Variants in SYT1 observed in about 807,000 individuals in gnomAD.
SYT1 encodes the protein synaptotagmin 1.
A neutral mutation model predicts 44.8 loss-of-function variants in SYT1; 8 were observed. The observed-to-expected ratio is 0.18, with a 90% CI of 0.10 to 0.32. SYT1 has a LOEUF of 0.32. Ranked by LOEUF, SYT1 falls within the 10% of genes least tolerant of loss-of-function variation. SYT1 has a pLI of 1.00. For synonymous variants in SYT1, 154 were observed against 188.8 expected, an observed-to-expected ratio of 0.82 and a Z score of 1.51; for missense variants, 286 against 509.3, an observed-to-expected ratio of 0.56 and a Z score of 4.22.
At chr12:78,894,071 CT>C (rs150793542) in intron 1 of SYT1, among the ~76,000 whole-genome samples, 6 of 149,896 alleles carry the variant, frequency 4.0e-5, no homozygotes, top group South Asian at 2.1e-4. Flanking sequence ...TATAATTTTT[CT>C]TTTTTTTTCC....
chr12:79,125,753 ATCACAT>A (rs1210340769), intron 3 of SYT1, among the ~76,000 whole-genome samples: 1 of 152,232 alleles, frequency 6.6e-6, no homozygotes, highest in Admixed American at 6.5e-5. Flanking sequence ...TAATAGGCAT[ATCACAT>A]TCCTGAATAA....
chr12:79,351,511 T>C (rs1882901507), intron 8 of SYT1, among the ~76,000 whole-genome samples: 1 of 151,900 alleles, frequency 6.6e-6, no homozygotes, highest in East Asian at 1.9e-4. Flanking sequence ...AAGGAGGCTA[T>C]TGTGGAAAAT....
chr12:79,121,558 C>A (rs965974622), intron 3 of SYT1, among the ~76,000 whole-genome samples: 1 of 152,152 alleles, frequency 6.6e-6, no homozygotes, highest in Non-Finnish European at 1.5e-5. Flanking sequence ...TTTGTTCTAT[C>A]CCCACTCAGG....
At chr12:79,165,165 G>A (rs940511682) in intron 3 of SYT1, among the ~76,000 whole-genome samples, 1 of 151,938 alleles carries the variant, frequency 6.6e-6, no homozygotes, top group Non-Finnish European at 1.5e-5. Flanking sequence ...TTTAAGAGAA[G>A]CTTGCTCTGG....
At chr12:79,164,361 C>G (rs1871123876) in intron 3 of SYT1, among the ~76,000 whole-genome samples, 1 of 152,076 alleles carries the variant, frequency 6.6e-6, no homozygotes, top group Admixed American at 6.6e-5. Context: ...CCCTCTCATT[C>G]TTCATTTTTC....
chr12:79,313,263 T>G (rs1241545150), intron 8 of SYT1, among the ~76,000 whole-genome samples: 2 of 152,058 alleles, frequency 1.3e-5, no homozygotes, highest in African/African-American at 4.8e-5. Flanking sequence ...ACCCATTAGT[T>G]ATTGAACTTT....
chr12:79,095,747 C>G (rs1878083800), intron 3 of SYT1, among the ~76,000 whole-genome samples: 1 of 151,842 alleles, frequency 6.6e-6, no homozygotes, highest in Admixed American at 6.6e-5. Context: ...CTAAACTGAG[C>G]AGAGTGACTT....
At chr12:79,061,618 T>G (rs931629271) in intron 3 of SYT1, among the ~76,000 whole-genome samples, 2 of 152,144 alleles carry the variant, frequency 1.3e-5, no homozygotes, top group Admixed American at 6.6e-5. Context: ...CATTTTTAAC[T>G]AATTAAAATA....
intron 1 of SYT1, among the ~76,000 whole-genome samples, chr12:78,872,039 T>C (rs747846445): frequency 6.6e-6 from 1 of 151,966 alleles, no homozygotes; most frequent in Non-Finnish European, 1.5e-5. Flanking sequence ...TAGTTAACAA[T>C]ATGACATTAC....
chr12:79,256,932 G>C (rs917939039), intron 4 of SYT1, among the ~76,000 whole-genome samples: 1 of 152,144 alleles, frequency 6.6e-6, no homozygotes, highest in African/African-American at 2.4e-5. Context: ...TCAAATCAAA[G>C]CTTCCTAATG....
At chr12:79,199,852 A>T (rs1385637310) in intron 3 of SYT1, among the ~76,000 whole-genome samples, 1 of 152,198 alleles carries the variant, frequency 6.6e-6, no homozygotes, top group East Asian at 1.9e-4. Flanking sequence ...CTCAGAGCTG[A>T]TTGATGAAAT....
chr12:79,205,199 T>C (rs1214047138), intron 3 of SYT1, among the ~76,000 whole-genome samples: 1 of 152,104 alleles, frequency 6.6e-6, no homozygotes, highest in Non-Finnish European at 1.5e-5. Context: ...CCTGACCTCG[T>C]GATCTGCCCG....
At chr12:78,877,222 G>A (rs891105347) in intron 1 of SYT1, among the ~76,000 whole-genome samples, 3 of 151,226 alleles carry the variant, frequency 2.0e-5, no homozygotes, top group Non-Finnish European at 4.4e-5. Context: ...GAAGATGAAG[G>A]AACAGCAAAG....
rs564928996 is a variant in SYT1 at position 79,290,848 on chromosome 12, G to A, written c.352-1160G>A. Among the ~76,000 whole-genome samples the A allele has an allele frequency of 2.0e-5, 3 of 152,238 alleles. 1 individual carries two copies. In the South Asian group the frequency reaches 6.2e-4, roughly 32 times the overall value. On this transcript the variant is annotated intron_variant, in intron 5 of 10. Coordinates refer to ENST00000261205, the MANE Select transcript of SYT1 (RefSeq NM_005639.3). ...ACATAGACAAATTAGCAAAGGATAT[G>A]TACAGGCAGTCCCCAGAAGAAAAAA...
chr12:79,100,439 C>T (rs1878383275), intron 3 of SYT1, among the ~76,000 whole-genome samples: 1 of 150,622 alleles, frequency 6.6e-6, no homozygotes, highest in South Asian at 2.1e-4. Flanking sequence ...ATTAGTTGAA[C>T]AAGAGGAACC....
At chr12:79,228,035 A>ATT (rs34646036) in intron 4 of SYT1, among the ~76,000 whole-genome samples, 4,735 of 140,436 alleles carry the variant, frequency 0.034, 138 homozygotes, top group African/African-American at 0.062. Context: ...CCTCTCCTCC[A>ATT]TTTTTTTTTT....
intron 9 of SYT1, among the ~76,000 whole-genome samples, chr12:79,357,352 A>C (rs1253902236): frequency 6.6e-6 from 1 of 152,218 alleles, no homozygotes; most frequent in African/African-American, 2.4e-5. Flanking sequence ...ATTTAACTGC[A>C]GTCATGTGTT....
intron 4 of SYT1, among the ~76,000 whole-genome samples, chr12:79,249,871 C>T (rs938076071): frequency 1.3e-5 from 2 of 151,960 alleles, no homozygotes; most frequent in Non-Finnish European, 2.9e-5. Context: ...TTTTGAACCC[C>T]AACATCAGAA....
rs1004344361 is a variant in SYT1 at position 79,436,301 on chromosome 12, C to T, written c.929-7772C>T. 2.6e-5 allele frequency among the ~76,000 whole-genome samples: 4 copies of T among 151,886 alleles called. No individual in the cohort carries two copies. In the South Asian group the frequency reaches 8.4e-4, roughly 32 times the overall value. ...GTAAGTTGAAAATAGTGAACATTAT[C>T]CAAAGAAAAAAGGATAAAAGGAATA... On this transcript the variant is annotated intron_variant, in intron 9 of 10. Coordinates refer to ENST00000261205, the MANE Select transcript of SYT1 (RefSeq NM_005639.3).
Sources: gnomAD v4.1 joint callset for allele counts (sites outside exome capture counted in the v4.1 genomes callset) on GRCh38, gnomAD v4.1.1 for gene constraint, MANE v1.5 for transcripts, NCBI Gene and HGNC (gene_info 2026-07-23, HGNC 2026-07-21) for gene names.